Variants in TMPRSS11F observed in about 807,000 individuals in gnomAD.
TMPRSS11F encodes the protein transmembrane protease serine 11F.
In TMPRSS11F, 47 loss-of-function variants were observed where a neutral mutation model predicts 60.2. The observed-to-expected ratio is 0.78, with a 90% confidence interval of 0.62 to 1.00. The LOEUF is 1.00. Among genes scored for constraint, TMPRSS11F ranks in the 50% least tolerant of loss-of-function variants. The pLI is 0.00. For missense variants in TMPRSS11F, 519 were observed against 522.9 expected (o/e 0.99, Z 0.07); for synonymous variants, 166 against 167.3 (o/e 0.99, Z 0.06).
intron 4 of TMPRSS11F, 96 bp downstream of exon 4, chr4:68,073,846 G>T: frequency 1.4e-6 from 1 of 689,762 alleles, no homozygotes; most frequent in Non-Finnish European, 2.4e-6. Context: ...TCTCTGTGTT[G>T]CTGTAAAGAC....
rs751209935 is a variant in TMPRSS11F, at chr4:68,064,785, A to G, written c.915T>C (p.Phe305=). The G allele has an allele frequency of 4.3e-6, 7 of 1,614,184 alleles. No individual in the cohort carries two copies. In the South Asian group the frequency reaches 7.7e-5, roughly 18 times the overall value. ...ALVQLSTGVE[F]SNIVQRVCLP... is the part of the protein sequence containing the mutation. ...GGCAAACTCTCTGGACTATATTTGA[A>G]AACTCAACTCCAGTAGAGAGCTGAA... Residue 305 remains phenylalanine (F), a synonymous_variant, in exon 8 of 10, where the codon TTT becomes TTC. Transcript: ENST00000356291.
intron 1 of TMPRSS11F, among the ~76,000 whole-genome samples, chr4:68,127,001 T>C (rs1352635315): frequency 2.6e-5 from 4 of 152,204 alleles, no homozygotes; most frequent in Non-Finnish European, 1.5e-5. Flanking sequence ...AAAGTGACAG[T>C]AGCACCATCA....
intron 2 of TMPRSS11F, among the ~76,000 whole-genome samples, chr4:68,093,225 C>T (rs1262401036): frequency 6.6e-6 from 1 of 152,230 alleles, no homozygotes; most frequent in South Asian, 2.1e-4. Flanking sequence ...ATAATCACAA[C>T]AATTTTCTGA....
rs916345061 is a variant in TMPRSS11F at position 68,073,879 on chromosome 4, T to A, written c.350+63A>T. On this transcript the variant is annotated intron_variant, in intron 4 of 9. Transcript: ENST00000356291. ...GACTTGCTCAGGGCAGCTAAGCAAT[T>A]AGGTTCATCAAATACCTCATCTTAA... 1.7e-5 allele frequency: 18 copies of A among 1,035,504 alleles called. No homozygotes were observed. In the African/African-American group the frequency reaches 2.6e-4, roughly 15 times the overall value. 64.1% of individuals were successfully genotyped at this position (1,035,504 alleles called of 1,614,324 possible).
At chr4:68,080,207 G>A (rs2109854115) in intron 3 of TMPRSS11F, 1 of 152,320 alleles carries the variant, frequency 6.6e-6, no homozygotes, top group African/African-American at 2.4e-5. Flanking sequence ...AGCCACAGAA[G>A]GAAACAAAGC....
rs57748089 is a variant in TMPRSS11F, at chr4:68,112,858, T to G, written c.12-13820A>C. 9.1e-3 allele frequency among the ~76,000 whole-genome samples: 1,389 copies of G among 152,308 alleles called. 21 individuals carry two copies. Among genetic ancestry groups the G allele is most frequent in the African/African-American group, 0.032 (1,314 of 41,554 alleles). ...GTTTATAATTTCCTAAAGGGCAGAA[T>G]CTATAGCATTCTTCTCTATATCTCT... On this transcript the variant is annotated intron_variant, in intron 1 of 9. Coordinates refer to ENST00000356291, the MANE Select transcript of TMPRSS11F (RefSeq NM_207407.2).
chr4:68,071,205 T>A (rs187851432), intron 5 of TMPRSS11F, among the ~76,000 whole-genome samples: 3 of 152,148 alleles, frequency 2.0e-5, no homozygotes, highest in Non-Finnish European at 4.4e-5. Context: ...CTTTGGAATA[T>A]AATTGATTAA....
chr4:68,110,655 T>C (rs1057122782), intron 1 of TMPRSS11F, among the ~76,000 whole-genome samples: 7 of 152,148 alleles, frequency 4.6e-5, no homozygotes, highest in African/African-American at 7.2e-5. Context: ...TATAACAGTA[T>C]CTACTTGATA....
chr4:68,117,039 A>C (rs1012805989), intron 1 of TMPRSS11F, among the ~76,000 whole-genome samples: 1 of 152,320 alleles, frequency 6.6e-6, no homozygotes, highest in Non-Finnish European at 1.5e-5. Flanking sequence ...CAAGGAATCA[A>C]TTAACAAATT....
At chr4:68,056,444 C>CA (rs60388608) in intron 9 of TMPRSS11F, among the ~76,000 whole-genome samples, 2,508 of 111,456 alleles carry the variant, frequency 0.023, 54 homozygotes, top group African/African-American at 0.064. Context: ...AAAAAAATAG[C>CA]AAAAAAAAAA....
intron 9 of TMPRSS11F, among the ~76,000 whole-genome samples, chr4:68,054,856 A>AAAC (rs375147874): frequency 0.015 from 2,213 of 152,256 alleles, 55 homozygotes; most frequent in African/African-American, 0.047. Context: ...TTTAGGTTAA[A>AAAC]AACAACAACA....
At chr4:68,105,465 G>A (rs1724287114) in intron 1 of TMPRSS11F, among the ~76,000 whole-genome samples, 1 of 152,034 alleles carries the variant, frequency 6.6e-6, no homozygotes, top group South Asian at 2.1e-4. Flanking sequence ...GCTACTATCA[G>A]CAAGCTAGTT....
intron 1 of TMPRSS11F, among the ~76,000 whole-genome samples, chr4:68,115,174 C>T (rs561721285): frequency 6.6e-6 from 1 of 150,620 alleles, no homozygotes; most frequent in East Asian, 1.9e-4. Flanking sequence ...ACGGTGAAAC[C>T]TCGTCTTTAC....
At chr4:68,123,889 G>A (rs1478838665) in intron 1 of TMPRSS11F, among the ~76,000 whole-genome samples, 1 of 152,070 alleles carries the variant, frequency 6.6e-6, no homozygotes, top group African/African-American at 2.4e-5. Flanking sequence ...TTAAAGATAG[G>A]AGCATCACAA....
intron 1 of TMPRSS11F, among the ~76,000 whole-genome samples, chr4:68,103,026 A>T (rs1440193514): frequency 5.0e-5 from 7 of 141,038 alleles, no homozygotes; most frequent in Non-Finnish European, 1.1e-4. Context: ...TTTTAATTGC[A>T]TTCTTTTGCA....
At chr4:68,120,676 C>T (rs1468606425) in intron 1 of TMPRSS11F, among the ~76,000 whole-genome samples, 1 of 152,162 alleles carries the variant, frequency 6.6e-6, no homozygotes, top group African/African-American at 2.4e-5. Flanking sequence ...GCGTGAGCCA[C>T]CGCGCCCGGC....
At chr4:68,084,538 A>G (rs1723769205) in intron 3 of TMPRSS11F, among the ~76,000 whole-genome samples, 2 of 152,178 alleles carry the variant, frequency 1.3e-5, no homozygotes, top group Admixed American at 1.3e-4. Flanking sequence ...AATTCCTACC[A>G]AGAACTTCAT....
intron 3 of TMPRSS11F, chr4:68,077,299 G>C (rs1193122880): frequency 6.6e-6 from 1 of 152,284 alleles, no homozygotes; most frequent in Non-Finnish European, 1.5e-5. Flanking sequence ...GTGCAGAAAG[G>C]AAGAACTGGG....
chr4:68,064,653 T>C lies in TMPRSS11F; in HGVS notation c.1015+32A>G, dbSNP rs755476065. On this transcript the variant is annotated intron_variant, in intron 8 of 9. Transcript: ENST00000356291. ...AGCTCGTTTGATCTCAAGACATTCT[T>C]GTGCTAAGAAAATTAGGTTGAAACT... 5 of 1,604,204 alleles carry C rather than the reference T, an allele frequency of 3.1e-6. No individual in the cohort carries two copies. The East Asian group carries it at 8.9e-5, about 29-fold the overall frequency.
Sources: allele counts gnomAD v4.1 joint callset (sites outside exome capture counted in the v4.1 genomes callset), GRCh38; gene constraint gnomAD v4.1.1; transcripts MANE v1.5; gene names NCBI Gene and HGNC (gene_info 2026-07-23, HGNC 2026-07-21).